The following EPB41L2 variants were observed in gnomAD, a reference collection of about 807,000 sequenced individuals.
EPB41L2 encodes erythrocyte membrane protein band 4.1 like 2, also known as band 4.1-like protein 2.
In EPB41L2, 43 loss-of-function variants were observed where a neutral mutation model predicts 113.0. That is an observed-to-expected ratio of 0.38 (90% confidence interval 0.30 to 0.49). The LOEUF is 0.49. Among genes scored for constraint, EPB41L2 ranks in the 20% least tolerant of loss-of-function variants. EPB41L2 has a pLI of 0.95. For missense variants in EPB41L2, 1,147 were observed against 1,223.4 expected (o/e 0.94, Z 0.93); for synonymous variants, 442 against 436.7 (o/e 1.01, Z -0.15).
intron 19 of EPB41L2, among the ~76,000 whole-genome samples, chr6:130,850,595 A>G (rs73775313): frequency 0.016 from 2,483 of 152,276 alleles, 53 homozygotes; most frequent in African/African-American, 0.046. Context: ...TTATAAGTAC[A>G]CACATACACA....
rs1040420235 is a variant in EPB41L2 at position 130,840,391 on chromosome 6, C to T, written c.*213G>A. 2 of 152,066 alleles carry T rather than the reference C, an allele frequency of 1.3e-5. No individual in the cohort carries two copies. Among genetic ancestry groups the T allele is most frequent in the Non-Finnish European group, 2.9e-5 (2 of 67,996 alleles). The allele number at this position is 152,066 out of a possible 1,614,324, so 9.4% of individuals were successfully genotyped here. On this transcript the variant is annotated 3_prime_UTR_variant, in exon 20 of 20. Coordinates refer to ENST00000337057, the MANE Select transcript of EPB41L2 (RefSeq NM_001431.4). ...AGAATATTTAGAAGTGGTTATAAAACAAAATAATATATTAAATGCATGGGA... is the reference window on the plus strand; with the variant it reads ...AGAATATTTAGAAGTGGTTATAAAATAAAATAATATATTAAATGCATGGGA...
intron 1 of EPB41L2, among the ~76,000 whole-genome samples, chr6:131,048,138 C>CAAAAAAAAAAAAA (rs200522047): frequency 1.3e-4 from 7 of 52,862 alleles, no homozygotes; most frequent in Admixed American, 4.5e-4. Flanking sequence ...GACTCTGTCT[C>CAAAAAAAAAAAAA]AAAAAAAAAA....
chr6:130,932,698 T>G (rs1807321615), intron 3 of EPB41L2, among the ~76,000 whole-genome samples: 1 of 152,226 alleles, frequency 6.6e-6, no homozygotes, highest in Non-Finnish European at 1.5e-5. Context: ...TTCTACTCCT[T>G]TTGATACTTA....
chr6:130,858,039 C>CACTGATAT, intron 19 of EPB41L2, 92 bp downstream of exon 19: 3 of 978,172 alleles, frequency 3.1e-6, no homozygotes, highest in African/African-American at 1.6e-5. Context: ...AGGAAGAAGA[C>CACTGATAT]ACTGATATGA....
At chr6:130,855,503 T>G (rs1442742124) in intron 19 of EPB41L2, among the ~76,000 whole-genome samples, 1 of 152,190 alleles carries the variant, frequency 6.6e-6, no homozygotes, top group African/African-American at 2.4e-5. Flanking sequence ...GCCCATTATA[T>G]ACCCTGTGTT....
chr6:130,993,491 G>A (rs1782364579), intron 1 of EPB41L2, among the ~76,000 whole-genome samples: 1 of 152,198 alleles, frequency 6.6e-6, no homozygotes, highest in Non-Finnish European at 1.5e-5. Flanking sequence ...GGGTGCAGGT[G>A]GGCTGAGGCT....
At chr6:130,987,259 G>T (rs1022972099) in intron 1 of EPB41L2, among the ~76,000 whole-genome samples, 4 of 152,162 alleles carry the variant, frequency 2.6e-5, no homozygotes, top group African/African-American at 7.2e-5. Flanking sequence ...AGAACTGCTG[G>T]ATCGAATAAT....
At chr6:130,849,463 T>G (rs1778118087) in intron 19 of EPB41L2, among the ~76,000 whole-genome samples, 1 of 152,294 alleles carries the variant, frequency 6.6e-6, no homozygotes, top group African/African-American at 2.4e-5. Context: ...GTTAATAACT[T>G]TAATCTGAAA....
intron 1 of EPB41L2, among the ~76,000 whole-genome samples, chr6:131,009,748 C>T (rs771079841): frequency 7.3e-5 from 11 of 151,698 alleles, no homozygotes; most frequent in Admixed American, 2.0e-4. Context: ...AGTTGAAGGC[C>T]ACATAACCAT....
intron 1 of EPB41L2, among the ~76,000 whole-genome samples, chr6:131,033,718 A>T (rs968567686): frequency 4.6e-5 from 7 of 152,222 alleles, no homozygotes; most frequent in African/African-American, 1.7e-4. Context: ...CACTTTTATG[A>T]AGTACTGAGA....
intron 1 of EPB41L2, among the ~76,000 whole-genome samples, chr6:130,974,233 A>G (rs980773871): frequency 2.0e-5 from 3 of 152,194 alleles, no homozygotes; most frequent in African/African-American, 7.2e-5. Context: ...GCAGTCTCTC[A>G]TTCTCTCTCT....
chr6:131,002,274 C>G (rs1784515502), intron 1 of EPB41L2, among the ~76,000 whole-genome samples: 1 of 152,134 alleles, frequency 6.6e-6, no homozygotes, highest in African/African-American at 2.4e-5. Flanking sequence ...GAACGTTTTT[C>G]ACCAGTCCTA....
At chr6:131,026,397 C>A (rs189825455) in intron 1 of EPB41L2, among the ~76,000 whole-genome samples, 187 of 152,268 alleles carry the variant, frequency 1.2e-3, no homozygotes, top group Non-Finnish European at 2.4e-3. Flanking sequence ...TAATTCATAC[C>A]CTCCCATCTC....
intron 1 of EPB41L2, among the ~76,000 whole-genome samples, chr6:130,967,304 A>G (rs1017106182): frequency 2.0e-5 from 3 of 152,170 alleles, no homozygotes; most frequent in Non-Finnish European, 4.4e-5. Flanking sequence ...TTTACTGAAA[A>G]AAAAACTCAC....
rs1456300644 is a variant in EPB41L2, at chr6:131,023,752, T to TAG, written c.-15+39402_-15+39403insCT. Reference sequence around the variant, plus strand: ...GTGTATATATATCTATATATCTATATATAGATATATAGATATATAGATATA... The same window carrying TAG: ...GTGTATATATATCTATATATCTATATAGATAGATATATAGATATATAGATATA... On this transcript the variant is annotated intron_variant, in intron 1 of 19. Transcript: ENST00000337057. Among the ~76,000 whole-genome samples, 23 of 77,746 alleles carry TAG rather than the reference T, an allele frequency of 3.0e-4. 1 individual carries two copies. The highest frequency in any genetic ancestry group is 7.2e-4 in the African/African-American group (12 of 16,756). The allele number at this position is 77,746 out of a possible 152,430, so 51.0% of individuals were successfully genotyped here.
chr6:130,878,968 C>T (rs1028271427), intron 13 of EPB41L2, among the ~76,000 whole-genome samples: 2 of 152,220 alleles, frequency 1.3e-5, no homozygotes, highest in African/African-American at 4.8e-5. Context: ...ACTGCCAGAT[C>T]GTCCTTATAC....
At chr6:131,062,795 C>T (rs889203710) in intron 1 of EPB41L2, among the ~76,000 whole-genome samples, 15 of 151,926 alleles carry the variant, frequency 9.9e-5, no homozygotes, top group African/African-American at 3.6e-4. Flanking sequence ...CCTCCCCGTG[C>T]CCCCGCCTTT....
chr6:130,842,152 C>T (rs1341531999), intron 19 of EPB41L2, among the ~76,000 whole-genome samples: 2 of 152,084 alleles, frequency 1.3e-5, no homozygotes, highest in South Asian at 2.1e-4. Context: ...AAAGTTCCTA[C>T]CATTTAGATT....
At position 130,869,775 on chromosome 6, in the gene EPB41L2, G is replaced by C; in HGVS notation, c.2395C>G (p.Pro799Ala). The change falls in exon 15 of 20, where the codon CCA becomes GCA. Residue 799 changes from proline to alanine, a missense_variant. Coordinates refer to ENST00000337057, the MANE Select transcript of EPB41L2 (RefSeq NM_001431.4). ...EREEAVPEAS[P>A]VTQAGASVIT... ...ACACTGGCACCTGCTTGTGTGACTGGGCTGGCTTCGGGCACTGCTTCCTCC... is the reference window on the plus strand; with the variant it reads ...ACACTGGCACCTGCTTGTGTGACTGCGCTGGCTTCGGGCACTGCTTCCTCC... 1 of 1,613,956 alleles carries C rather than the reference G, an allele frequency of 6.2e-7. No individual in the cohort carries two copies. Among genetic ancestry groups the C allele is most frequent in the East Asian group, 2.2e-5 (1 of 44,868 alleles).
Sources: allele counts gnomAD v4.1 joint callset (sites outside exome capture counted in the v4.1 genomes callset), GRCh38; gene constraint gnomAD v4.1.1; transcripts MANE v1.5; gene names NCBI Gene and HGNC (gene_info 2026-07-23, HGNC 2026-07-21).